The following FAM193A variants were observed in gnomAD, a reference collection of about 807,000 sequenced individuals.
FAM193A encodes the protein protein FAM193A.
A neutral mutation model predicts 126.5 loss-of-function variants in FAM193A; 22 were observed. The observed-to-expected ratio is 0.17, with a 90% CI of 0.12 to 0.25. The LOEUF is 0.25. FAM193A is among the 10% of genes least tolerant of loss of function. The pLI is 1.00. For missense variants in FAM193A, 1,675 were observed against 1,672.8 expected (o/e 1.00, Z -0.02); for synonymous variants, 761 against 646.8 (o/e 1.18, Z -2.68).
chr4:2,646,705 A>T lies in FAM193A; in HGVS notation c.1184A>T (p.Asp395Val). The T allele has an allele frequency of 1.9e-6, 3 of 1,609,716 alleles. No individual in the cohort carries two copies. The highest frequency in any genetic ancestry group is 2.5e-6 in the Non-Finnish European group (3 of 1,178,010). ...SQIRLGTTTH[D>V]TCSEDTYSTL... ...CCTAGGCTAGGAACCACCACACACGACACCTGCAGTGAGGACACATACAGT... is the reference window on the plus strand; with the variant it reads ...CCTAGGCTAGGAACCACCACACACGTCACCTGCAGTGAGGACACATACAGT... The change falls in exon 7 of 21, where the codon GAC (aspartate) becomes GTC (valine). Residue 395 changes from aspartate (D) to valine (V), a missense_variant. Around this residue, in one of 4 missense-constraint regions of FAM193A, gnomAD observed 1,186 missense variants for 1,109.2 expected, o/e 1.07. Transcript: ENST00000637812.
chr4:2,670,690 G>C (rs1326008885), intron 12 of FAM193A, among the ~76,000 whole-genome samples: 1 of 152,046 alleles, frequency 6.6e-6, no homozygotes, highest in Non-Finnish European at 1.5e-5. Flanking sequence ...GAACTCTTGG[G>C]CTCAAGTGAT....
chr4:2,711,331 G>GTT (rs200915400), intron 19 of FAM193A, among the ~76,000 whole-genome samples: 2,193 of 150,184 alleles, frequency 0.015, 25 homozygotes, highest in Non-Finnish European at 0.02. Flanking sequence ...TTCCTTTTTT[G>GTT]TTTGTTTGTT....
intron 2 of FAM193A, among the ~76,000 whole-genome samples, chr4:2,622,564 A>G (rs975471677): frequency 3.9e-4 from 60 of 152,252 alleles, no homozygotes; most frequent in African/African-American, 1.4e-3. Flanking sequence ...CTGCTTTAGC[A>G]TGCTCAGGCT....
chr4:2,623,292 C>G (rs1400108877), intron 2 of FAM193A, among the ~76,000 whole-genome samples: 1 of 152,156 alleles, frequency 6.6e-6, no homozygotes, highest in Non-Finnish European at 1.5e-5. Context: ...GCCTCAGCCT[C>G]CCGAGTAGCT....
chr4:2,638,647 G>A (rs930913984), intron 5 of FAM193A, among the ~76,000 whole-genome samples: 7 of 152,228 alleles, frequency 4.6e-5, no homozygotes, highest in African/African-American at 1.7e-4. Context: ...TATCCAGCAA[G>A]GCTGGCACAC....
intron 1 of FAM193A, among the ~76,000 whole-genome samples, chr4:2,574,038 G>T (rs966239548): frequency 6.6e-6 from 1 of 152,096 alleles, no homozygotes; most frequent in Non-Finnish European, 1.5e-5. Context: ...AACAACTTTG[G>T]TTTTTATTGT....
chr4:2,596,357 A>G lies in FAM193A; in HGVS notation c.501+28A>G, dbSNP rs771471574. On this transcript the variant is annotated intron_variant, in intron 2 of 20. Transcript: ENST00000637812. ...GAGTGGCTGCCAGCACAGGCAGCGC[A>G]GGGCGTTGGCTCCCCCCGCCCAGGT... 2.2e-5 allele frequency: 15 copies of G among 695,706 alleles called. No individual in the cohort carries two copies. In the South Asian group the frequency reaches 2.2e-4, roughly 10 times the overall value. The allele number at this position is 695,706 out of a possible 1,614,324, so 43.1% of individuals were successfully genotyped here.
intron 7 of FAM193A, among the ~76,000 whole-genome samples, chr4:2,653,480 T>G (rs1477861884): frequency 1.3e-5 from 2 of 152,188 alleles, no homozygotes; most frequent in Non-Finnish European, 2.9e-5. Context: ...AGTCTCTCTC[T>G]GTCACCAGGC....
chr4:2,580,987 G>T (rs1014490721), intron 1 of FAM193A, among the ~76,000 whole-genome samples: 4 of 152,036 alleles, frequency 2.6e-5, no homozygotes, highest in Non-Finnish European at 5.9e-5. Context: ...AAATTAGCCG[G>T]GTGTGGTGGC....
rs143883966 is a variant in FAM193A at position 2,630,466 on chromosome 4, C to T, written c.804-469C>T. ...AGATCTGCAGCCAGGTGGCACCTCT[C>T]CTGGGATCAGTGCTTTTTACTTGTT... is the stretch of plus-strand genomic sequence containing the variant. On this transcript the variant is annotated intron_variant, in intron 4 of 20. Coordinates refer to ENST00000637812, the MANE Select transcript of FAM193A (RefSeq NM_001366318.2). Among the ~76,000 whole-genome samples, 160 of 152,304 alleles carry T rather than the reference C, an allele frequency of 1.1e-3. 1 individual carries two copies. The highest frequency in any genetic ancestry group is 1.1e-3 in the Non-Finnish European group (77 of 68,026).
rs913679804 is a variant in FAM193A, at chr4:2,676,558, C to A, written c.2331+4186C>A. ...TTCTCTTTCTATTCTGGATATTAGT[C>A]CTTTATCAGATATATGATTTGCAAG... On this transcript the variant is annotated intron_variant, in intron 13 of 20. Transcript: ENST00000637812. Among the ~76,000 whole-genome samples the A allele has an allele frequency of 3.9e-5, 6 of 152,108 alleles. 1 individual carries two copies. The highest frequency in any genetic ancestry group is 2.0e-4 in the Admixed American group (3 of 15,268).
intron 5 of FAM193A, among the ~76,000 whole-genome samples, chr4:2,638,944 G>A (rs779550883): frequency 1.3e-4 from 20 of 152,312 alleles, no homozygotes; most frequent in Middle Eastern, 3.4e-3. Flanking sequence ...CAGAGCTGGC[G>A]GTTGTTGAAG....
At chr4:2,675,934 A>G (rs1714353785) in intron 13 of FAM193A, among the ~76,000 whole-genome samples, 1 of 152,172 alleles carries the variant, frequency 6.6e-6, no homozygotes, top group South Asian at 2.1e-4. Flanking sequence ...TAATGTCCTC[A>G]GCGTTTATTC....
rs1296540683 is a variant in FAM193A, at chr4:2,731,891, C to T, written c.*23C>T. On this transcript the variant is annotated 3_prime_UTR_variant, in exon 21 of 21. Transcript: ENST00000637812. ...TGAATGAGGACTCCCTGGAGAGGGA[C>T]ACGCGAGAGGCAGGCCAGGCTGCAC... The T allele has an allele frequency of 3.2e-6, 5 of 1,567,672 alleles. No homozygotes were observed. Among genetic ancestry groups the T allele is most frequent in the Non-Finnish European group, 3.5e-6 (4 of 1,138,142 alleles).
At chr4:2,660,282 G>GA (rs1025558014) in intron 10 of FAM193A, among the ~76,000 whole-genome samples, 2 of 151,924 alleles carry the variant, frequency 1.3e-5, no homozygotes, top group African/African-American at 4.8e-5. Context: ...GGCCAGTAAA[G>GA]AAAAAACATG....
At chr4:2,606,045 CTTTTTTT>C (rs1170025017) in intron 2 of FAM193A, among the ~76,000 whole-genome samples, 25 of 61,008 alleles carry the variant, frequency 4.1e-4, no homozygotes, top group African/African-American at 1.4e-3. Context: ...TTGCAAACCT[CTTTTTTT>C]TTTTTTTTTT....
chr4:2,672,417 ATCCTAC>A, intron 13 of FAM193A, 45 bp downstream of exon 13: 1 of 1,605,556 alleles, frequency 6.2e-7, no homozygotes, highest in Non-Finnish European at 8.5e-7. Flanking sequence ...CTTCACTGAG[ATCCTAC>A]AGGAGTACAT....
At chr4:2,608,134 T>G in intron 2 of FAM193A, 1 of 1,595,746 alleles carries the variant, frequency 6.3e-7, no homozygotes, top group Non-Finnish European at 8.5e-7. Flanking sequence ...TGTAGATTGA[T>G]CTTAACCTGA....
intron 1 of FAM193A, among the ~76,000 whole-genome samples, chr4:2,542,275 G>A (rs1375294053): frequency 6.6e-6 from 1 of 152,066 alleles, no homozygotes; most frequent in African/African-American, 2.4e-5. Context: ...AAAGTGCTGG[G>A]ATTACAGGCG....
Sources: gnomAD v4.1 joint callset for allele counts (sites outside exome capture counted in the v4.1 genomes callset) on GRCh38, gnomAD v4.1.1 for gene constraint, gnomAD v4.1.1 regional missense constraint, MANE v1.5 for transcripts, NCBI Gene and HGNC (gene_info 2026-07-23, HGNC 2026-07-21) for gene names.